The following DIP2C variants were observed in gnomAD, a reference collection of about 807,000 sequenced individuals.
DIP2C encodes the protein DIP2 acetate--CoA ligase C (putative), also known as disco-interacting protein 2 homolog C.
In DIP2C, 33 loss-of-function variants were observed where a neutral mutation model predicts 192.4. That is an observed-to-expected ratio of 0.17 (90% CI 0.13 to 0.23). The LOEUF (loss-of-function observed/expected upper bound fraction) is 0.23. Among genes scored for constraint, DIP2C ranks in the 10% least tolerant of loss-of-function variants. The probability of loss-of-function intolerance (pLI) is 1.00; values close to 1 mark genes in which losing one functional copy is unlikely to be tolerated. For synonymous variants in DIP2C, 979 were observed against 864.1 expected, an observed-to-expected ratio of 1.13 and a Z score of -2.33; for missense variants, 1,537 against 2,110.1, an observed-to-expected ratio of 0.73 and a Z score of 5.32.
chr10:528,651 T>A (rs1229278052), intron 1 of DIP2C, among the ~76,000 whole-genome samples: 1 of 152,186 alleles, frequency 6.6e-6, no homozygotes, highest in African/African-American at 2.4e-5. Context: ...CTCTGCCGAC[T>A]CCCAGCATCA....
chr10:661,138 A>G (rs1050537696), intron 1 of DIP2C, among the ~76,000 whole-genome samples: 1 of 152,338 alleles, frequency 6.6e-6, no homozygotes, highest in Admixed American at 6.5e-5. Flanking sequence ...GGAAAAGCAC[A>G]AGGCCTGCTC....
intron 1 of DIP2C, among the ~76,000 whole-genome samples, chr10:503,956 T>C (rs562258730): frequency 1.3e-5 from 2 of 152,378 alleles, no homozygotes; most frequent in South Asian, 4.1e-4. Flanking sequence ...GTAATTATTT[T>C]ACTCAGAAAT....
intron 1 of DIP2C, among the ~76,000 whole-genome samples, chr10:571,236 TG>T (rs1202377568): frequency 6.6e-6 from 1 of 152,320 alleles, no homozygotes; most frequent in East Asian, 1.9e-4. Flanking sequence ...CAGCAAACAG[TG>T]GCTGTGCGGA....
In DIP2C at chr10:274,257, C is replaced by G; in HGVS notation, c.*3068G>C. On this transcript the variant is annotated 3_prime_UTR_variant, in exon 37 of 37. Coordinates refer to ENST00000280886, the MANE Select transcript of DIP2C (RefSeq NM_014974.3). Reference sequence around the variant, plus strand: ...GAATTAAAAAAAACATTTCACAAAACATTTGTTGCCATAGGAATTATTTTT... The same window carrying G: ...GAATTAAAAAAAACATTTCACAAAAGATTTGTTGCCATAGGAATTATTTTT... 6.6e-6 allele frequency: 1 copy of G among 152,094 alleles called. No homozygotes were observed. The highest frequency in any genetic ancestry group is 1.5e-5 in the Non-Finnish European group (1 of 67,996). The allele number at this position is 152,094 out of a possible 1,614,324, so 9.4% of individuals were successfully genotyped here.
At chr10:278,299 T>C (rs1455583436) in intron 36 of DIP2C, among the ~76,000 whole-genome samples, 1 of 152,252 alleles carries the variant, frequency 6.6e-6, no homozygotes, top group Non-Finnish European at 1.5e-5. Context: ...GTCTGTGCAG[T>C]GCGCCTGAGT....
intron 22 of DIP2C, among the ~76,000 whole-genome samples, chr10:359,732 A>G (rs1411966307): frequency 2.6e-5 from 4 of 152,022 alleles, no homozygotes; most frequent in Admixed American, 2.0e-4. Context: ...ACCCTCATTC[A>G]CCCGCTGCGC....
At chr10:674,789 T>TATATATATATATATATATATAGAG in intron 1 of DIP2C, among the ~76,000 whole-genome samples, 10 of 62,480 alleles carry the variant, frequency 1.6e-4, no homozygotes, top group South Asian at 5.5e-4. Context: ...TATATATATA[T>TATATATATATATATATATATAGAG]AGAGAGAGAG....
rs573387308 is a variant in DIP2C at position 579,547 on chromosome 10, G to A, written c.86-93017C>T. The stretch of plus-strand genomic sequence containing the variant: ...ATACACACATCCAGATCCATAAAGT[G>A]TACATACATAGGTACACTATAACAC... On this transcript the variant is annotated intron_variant, in intron 1 of 36. Coordinates refer to ENST00000280886, the MANE Select transcript of DIP2C (RefSeq NM_014974.3). Among the ~76,000 whole-genome samples, 14 of 152,054 alleles carry A rather than the reference G, an allele frequency of 9.2e-5. No individual in the cohort carries two copies. In the South Asian group the frequency reaches 1.0e-3, roughly 11 times the overall value.
At chr10:382,130 A>G (rs966177897) in intron 17 of DIP2C, among the ~76,000 whole-genome samples, 2 of 152,238 alleles carry the variant, frequency 1.3e-5, no homozygotes, top group Non-Finnish European at 2.9e-5. Flanking sequence ...TTGTCAGAGC[A>G]AAGTGCACTC....
chr10:346,520 G>C (rs1486812448), intron 26 of DIP2C, among the ~76,000 whole-genome samples: 1 of 144,082 alleles, frequency 6.9e-6, no homozygotes, highest in African/African-American at 2.7e-5. Flanking sequence ...ATCGCGCATA[G>C]TTCTCCCGGA....
At chr10:600,145 A>G (rs1851962652) in intron 1 of DIP2C, among the ~76,000 whole-genome samples, 1 of 152,186 alleles carries the variant, frequency 6.6e-6, no homozygotes, top group African/African-American at 2.4e-5. Flanking sequence ...CAAGGCACAG[A>G]ACTAGAAGGA....
At chr10:510,952 T>C (rs1676950286) in intron 1 of DIP2C, among the ~76,000 whole-genome samples, 2 of 152,216 alleles carry the variant, frequency 1.3e-5, no homozygotes, top group South Asian at 2.1e-4. Flanking sequence ...CTCATGTCTT[T>C]ATCTCATTAA....
At chr10:650,576 C>T (rs1005206316) in intron 1 of DIP2C, 9 of 626,004 alleles carry the variant, frequency 1.4e-5, no homozygotes, top group African/African-American at 5.5e-5. Flanking sequence ...CCAGGAGGGA[C>T]GTGGGCCCCT....
intron 9 of DIP2C, among the ~76,000 whole-genome samples, chr10:405,615 G>A (rs1015135436): frequency 2.0e-5 from 3 of 152,198 alleles, no homozygotes; most frequent in African/African-American, 7.2e-5. Context: ...CCTCCATAGT[G>A]ATCCCAATAC....
intron 4 of DIP2C, among the ~76,000 whole-genome samples, chr10:433,160 A>G (rs1234256466): frequency 6.6e-6 from 1 of 152,220 alleles, no homozygotes; most frequent in African/African-American, 2.4e-5. Flanking sequence ...TTTTCTGGCT[A>G]CTGAATTGGT....
chr10:548,836 G>T (rs1028725151), intron 1 of DIP2C, among the ~76,000 whole-genome samples: 2 of 133,284 alleles, frequency 1.5e-5, no homozygotes, highest in African/African-American at 5.4e-5. Flanking sequence ...CATTGTGTAT[G>T]TTTAAAGCAC....
At chr10:345,257 G>A (rs2132592267) in intron 26 of DIP2C, 147 bp from the exon 27 acceptor site, 2 of 819,612 alleles carry the variant, frequency 2.4e-6, no homozygotes, top group Admixed American at 2.0e-5. Flanking sequence ...TGCTGGCTAA[G>A]GTAGGACAGA....
intron 1 of DIP2C, among the ~76,000 whole-genome samples, chr10:518,560 ACT>A (rs749337999): frequency 1.6e-4 from 25 of 151,834 alleles, no homozygotes; most frequent in Non-Finnish European, 3.1e-4. Flanking sequence ...GGGCCCAGCA[ACT>A]CTCTTGCCCT....
chr10:454,689 G>A (rs1203445896), intron 3 of DIP2C, among the ~76,000 whole-genome samples: 1 of 151,086 alleles, frequency 6.6e-6, no homozygotes, highest in Non-Finnish European at 1.5e-5. Context: ...TTATTGCAAT[G>A]AGATACTCAG....
Sources: gnomAD v4.1 joint callset for allele counts (sites outside exome capture counted in the v4.1 genomes callset) on GRCh38, gnomAD v4.1.1 for gene constraint, MANE v1.5 for transcripts, NCBI Gene and HGNC (gene_info 2026-07-23, HGNC 2026-07-21) for gene names.